C7orf78: variants seen among roughly 807,000 people sequenced by gnomAD.
C7orf78 encodes putative uncharacterized protein C7orf78.
the C7orf78 span, among the ~76,000 whole-genome samples, chr7:12,535,798 C>A: frequency 6.6e-6 from 1 of 152,162 alleles, no homozygotes; most frequent in Non-Finnish European, 1.5e-5. Flanking sequence ...AACAAAGGGG[C>A]TACAGACCCC....
the C7orf78 span, among the ~76,000 whole-genome samples, chr7:12,533,806 A>T: frequency 2.0e-5 from 3 of 152,106 alleles, no homozygotes; most frequent in African/African-American, 7.2e-5. Flanking sequence ...GTGAGCCACC[A>T]TACCTAGCCC....
the C7orf78 span, chr7:12,525,820 T>A: frequency 2.5e-6 from 1 of 396,976 alleles, no homozygotes; most frequent in Admixed American, 4.4e-5. Context: ...ACATATCTAG[T>A]ACCAACCTGG....
At chr7:12,512,378 T>C in the C7orf78 span, among the ~76,000 whole-genome samples, 1 of 152,210 alleles carries the variant, frequency 6.6e-6, no homozygotes, top group Non-Finnish European at 1.5e-5. Context: ...GCTTAGCTTA[T>C]TGAGAGTTTT....
At chr7:12,504,091 C>T in the C7orf78 span, among the ~76,000 whole-genome samples, 1 of 152,184 alleles carries the variant, frequency 6.6e-6, no homozygotes, top group East Asian at 1.9e-4. Context: ...AAAACTGCCT[C>T]TCAGAATCAT....
At chr7:12,532,081 C>T in the C7orf78 span, among the ~76,000 whole-genome samples, 1 of 152,120 alleles carries the variant, frequency 6.6e-6, no homozygotes, top group Admixed American at 6.6e-5. Flanking sequence ...GTACATGTGG[C>T]TGGCAAAGGG....
At chr7:12,509,739 G>A in the C7orf78 span, among the ~76,000 whole-genome samples, 1 of 152,170 alleles carries the variant, frequency 6.6e-6, no homozygotes, top group East Asian at 1.9e-4. Context: ...TCTGTGGCCG[G>A]CTTATTTTGC....
the C7orf78 span, among the ~76,000 whole-genome samples, chr7:12,512,184 A>C: frequency 6.6e-6 from 1 of 151,826 alleles, no homozygotes; most frequent in Non-Finnish European, 1.5e-5. Context: ...GATGTGCTTT[A>C]TTTCTTTGTG....
chr7:12,500,848 T>C, the C7orf78 span, among the ~76,000 whole-genome samples: 7 of 147,526 alleles, frequency 4.7e-5, no homozygotes, highest in South Asian at 2.2e-4. Context: ...ACTGGCAAAC[T>C]GAATCCAGCA....
chr7:12,523,709 G>A, the C7orf78 span, among the ~76,000 whole-genome samples: 1 of 152,090 alleles, frequency 6.6e-6, no homozygotes. Flanking sequence ...AAGAGAACAG[G>A]TTGGGTTTAG....
the C7orf78 span, among the ~76,000 whole-genome samples, chr7:12,533,853 A>G: frequency 2.0e-5 from 3 of 152,158 alleles, no homozygotes; most frequent in African/African-American, 7.2e-5. Flanking sequence ...GTTACAGAAA[A>G]TCATAGATTA....
At chr7:12,498,728 A>C in the C7orf78 span, among the ~76,000 whole-genome samples, 2 of 150,704 alleles carry the variant, frequency 1.3e-5, no homozygotes, top group Non-Finnish European at 3.0e-5. Context: ...CAGGAAATAC[A>C]GAGAACGCCG....
chr7:12,538,871 T>C, the C7orf78 span, among the ~76,000 whole-genome samples: 1,659 of 152,134 alleles, frequency 0.011, 15 homozygotes, highest in East Asian at 0.031. Context: ...CAAATGCTCA[T>C]CCTTAAAACC....
chr7:12,512,114 A>G, the C7orf78 span, among the ~76,000 whole-genome samples: 1 of 150,984 alleles, frequency 6.6e-6, no homozygotes, highest in Admixed American at 6.6e-5. Flanking sequence ...TTTAGTGGAG[A>G]CTTTTGGTTT....
the C7orf78 span, among the ~76,000 whole-genome samples, chr7:12,511,450 T>A: frequency 2.6e-5 from 4 of 152,214 alleles, no homozygotes; most frequent in Non-Finnish European, 5.9e-5. Context: ...ATTGACTTTG[T>A]AGATTGCTTT....
the C7orf78 span, among the ~76,000 whole-genome samples, chr7:12,516,945 G>A: frequency 6.6e-6 from 1 of 152,168 alleles, no homozygotes; most frequent in Non-Finnish European, 1.5e-5. Context: ...TGAGACTTTG[G>A]ACTGTAGACT....
the C7orf78 span, among the ~76,000 whole-genome samples, chr7:12,537,178 A>T: frequency 1.3e-5 from 2 of 152,208 alleles, no homozygotes; most frequent in Non-Finnish European, 2.9e-5. Flanking sequence ...TACAAAAGAA[A>T]CAGATTTATT....
the C7orf78 span, among the ~76,000 whole-genome samples, chr7:12,517,527 A>G: frequency 1.3e-5 from 2 of 152,000 alleles, no homozygotes; most frequent in East Asian, 3.9e-4. Flanking sequence ...TTCATATATC[A>G]TTTGCTTTAT....
the C7orf78 span, among the ~76,000 whole-genome samples, chr7:12,538,891 C>A: frequency 1.1e-4 from 16 of 152,196 alleles, no homozygotes; most frequent in East Asian, 3.1e-3. Flanking sequence ...CTCTTGGGGA[C>A]ATATATGAAA....
chr7:12,497,301 C>T, the C7orf78 span, among the ~76,000 whole-genome samples: 248 of 152,278 alleles, frequency 1.6e-3, 1 homozygote, highest in African/African-American at 5.7e-3. Flanking sequence ...TTCTGCATTT[C>T]CATCTAAGGT....
Sources: gnomAD v4.1 joint callset for allele counts (sites outside exome capture counted in the v4.1 genomes callset) on GRCh38, gnomAD v4.1.1 for gene constraint, MANE v1.5 for transcripts, NCBI Gene and HGNC (gene_info 2026-07-23, HGNC 2026-07-21) for gene names.